Variants in SLCO1A2 observed in about 807,000 individuals in gnomAD.
SLCO1A2 encodes the protein solute carrier organic anion transporter family member 1A2.
In SLCO1A2, 67 loss-of-function variants were observed where a neutral mutation model predicts 69.0. The observed-to-expected ratio is 0.97, with a 90% confidence interval of 0.80 to 1.19. The LOEUF is 1.19. Among genes scored for constraint, SLCO1A2 ranks in the 50% most tolerant of loss-of-function variants. SLCO1A2 has a pLI of 0.00. For synonymous variants in SLCO1A2, 260 were observed against 265.9 expected (o/e 0.98, Z 0.22); for missense variants, 787 against 793.7 (o/e 0.99, Z 0.10).
In SLCO1A2 at chr12:21,373,471, A is replaced by C. The variant is rs1413753287; in HGVS notation, c.-63+928T>G. The C allele has an allele frequency of 2.2e-6, 3 of 1,350,498 alleles. No homozygotes were observed. In the African/African-American group the frequency reaches 4.3e-5, roughly 19 times the overall value. 83.7% of individuals were successfully genotyped at this position (1,350,498 alleles called of 1,614,324 possible). A position where few individuals can be genotyped will look rare whatever the true frequency, so the allele number is the denominator to read the frequency against. On this transcript the variant is annotated intron_variant, in intron 2 of 15. Transcript: ENST00000307378. ...AATCCTGTTTCTTTGTAACTTTTGT[A>C]AAGTGTGAGAAAATTAGAATTAAAT... is the stretch of plus-strand genomic sequence containing the variant.
chr12:21,346,697 T>A (rs1953262492), intron 2 of SLCO1A2, among the ~76,000 whole-genome samples: 1 of 152,206 alleles, frequency 6.6e-6, no homozygotes, highest in African/African-American at 2.4e-5. Flanking sequence ...TCCAACATCA[T>A]CAGATACTAC....
At chr12:21,299,192 GGAATACTACA>G (rs1202617371) in intron 8 of SLCO1A2, among the ~76,000 whole-genome samples, 47 of 151,872 alleles carry the variant, frequency 3.1e-4, no homozygotes, top group Non-Finnish European at 3.7e-4. Context: ...TGACCTTTTG[GGAATACTACA>G]GAACTTTCAG....
In SLCO1A2 at chr12:21,268,686, T is replaced by A. The variant is rs571289818; in HGVS notation, c.*862A>T. On this transcript the variant is annotated 3_prime_UTR_variant, in exon 15 of 15. Coordinates refer to ENST00000683939, the MANE Select transcript of SLCO1A2 (RefSeq NM_001386879.1). ...GGAAAATTAGTGTTTGTGTTCTACC[T>A]TAGGACACAATGGGTGATATAAACA... The A allele has an allele frequency of 1.3e-5, 2 of 152,232 alleles. No individual in the cohort carries two copies. Among genetic ancestry groups the A allele is most frequent in the Admixed American group, 1.3e-4 (2 of 15,270 alleles). 9.4% of individuals were successfully genotyped at this position (152,232 alleles called of 1,614,324 possible).
intron 1 of SLCO1A2, among the ~76,000 whole-genome samples, chr12:21,390,899 A>G (rs1221908941): frequency 6.6e-6 from 1 of 152,152 alleles, no homozygotes; most frequent in Non-Finnish European, 1.5e-5. Context: ...AATTCACTGA[A>G]AAGTTGTCAG....
At chr12:21,365,934 CT>C (rs1265737029) in intron 2 of SLCO1A2, among the ~76,000 whole-genome samples, 1 of 152,150 alleles carries the variant, frequency 6.6e-6, no homozygotes, top group African/African-American at 2.4e-5. Context: ...AATAGGAACA[CT>C]TTTACACTGT....
At chr12:21,271,391 A>G (rs542970747) in intron 14 of SLCO1A2, among the ~76,000 whole-genome samples, 9 of 151,666 alleles carry the variant, frequency 5.9e-5, no homozygotes, top group African/African-American at 2.2e-4. Context: ...TGATATTTAT[A>G]TTGTCTTTTA....
chr12:21,379,012 T>A (rs1320649880), intron 1 of SLCO1A2: 1 of 152,072 alleles, frequency 6.6e-6, no homozygotes. Flanking sequence ...GAGGCGGAGG[T>A]TGCAGTGAGC....
chr12:21,274,832 C>T (rs1943510791), intron 13 of SLCO1A2: 2 of 785,176 alleles, frequency 2.5e-6, no homozygotes, highest in South Asian at 3.6e-5. Context: ...ATTAAAGATT[C>T]TGAACTTTAT....
At chr12:21,314,508 T>A in intron 4 of SLCO1A2, 41 bp downstream of exon 4, 1 of 1,610,778 alleles carries the variant, frequency 6.2e-7, no homozygotes, top group Non-Finnish European at 8.5e-7. Context: ...TTCCTGCAAG[T>A]GAAATTTGAC....
At chr12:21,273,257 T>G (rs1371914682) in intron 14 of SLCO1A2, among the ~76,000 whole-genome samples, 2 of 152,108 alleles carry the variant, frequency 1.3e-5, no homozygotes, top group Non-Finnish European at 2.9e-5. Context: ...AGACATTTTC[T>G]TATCATCATG....
intron 6 of SLCO1A2, among the ~76,000 whole-genome samples, chr12:21,302,352 A>G (rs1027518363): frequency 3.3e-5 from 5 of 151,490 alleles, no homozygotes; most frequent in Admixed American, 6.6e-5. Flanking sequence ...CTCTTTTTAC[A>G]TTTCTTCCTG....
chr12:21,274,770 A>G, intron 13 of SLCO1A2, 184 bp from the exon 14 acceptor site: 1 of 684,132 alleles, frequency 1.5e-6, no homozygotes, highest in Non-Finnish European at 2.3e-6. Flanking sequence ...ATTAAAAGAT[A>G]AGTAATCTTA....
chr12:21,299,279 T>C (rs1314997860), intron 8 of SLCO1A2, among the ~76,000 whole-genome samples: 1 of 152,134 alleles, frequency 6.6e-6, no homozygotes, highest in Non-Finnish European at 1.5e-5. Flanking sequence ...ATCAGTGCTC[T>C]TGAGTACTAA....
intron 1 of SLCO1A2, among the ~76,000 whole-genome samples, chr12:21,387,316 C>G (rs1051982881): frequency 7.2e-5 from 11 of 152,160 alleles, no homozygotes; most frequent in African/African-American, 2.7e-4. Flanking sequence ...GAAAATGTCT[C>G]CAGGACATGT....
At chr12:21,386,732 G>T (rs12307592) in intron 1 of SLCO1A2, among the ~76,000 whole-genome samples, 1 of 151,866 alleles carries the variant, frequency 6.6e-6, no homozygotes, top group Non-Finnish European at 1.5e-5. Context: ...AATTGGTACC[G>T]GGATTAGTGG....
chr12:21,388,106 G>T (rs575497003), intron 1 of SLCO1A2, among the ~76,000 whole-genome samples: 109 of 152,246 alleles, frequency 7.2e-4, no homozygotes, highest in Non-Finnish European at 1.3e-3. Flanking sequence ...TACCCCTATT[G>T]TATCTAGGAA....
exon 1 of SLCO1A2, chr12:21,417,882 C>G (rs1222017562): frequency 2.6e-5 from 4 of 152,110 alleles, no homozygotes; most frequent in Non-Finnish European, 5.9e-5. Flanking sequence ...GAACACTGAC[C>G]TTTGCTTCCA....
intron 1 of SLCO1A2, chr12:21,378,208 A>G: frequency 6.2e-7 from 1 of 1,607,342 alleles, no homozygotes; most frequent in Non-Finnish European, 8.5e-7. Flanking sequence ...CTAAGGCTCT[A>G]ACTTTTCACA....
intron 1 of SLCO1A2, among the ~76,000 whole-genome samples, chr12:21,384,064 A>G (rs1289845504): frequency 1.3e-5 from 2 of 152,238 alleles, no homozygotes; most frequent in African/African-American, 4.8e-5. Context: ...GATTAGAAAT[A>G]AAATATGCAA....
Sources: gnomAD v4.1 joint callset for allele counts (sites outside exome capture counted in the v4.1 genomes callset) on GRCh38, gnomAD v4.1.1 for gene constraint, MANE v1.5 for transcripts, NCBI Gene and HGNC (gene_info 2026-07-23, HGNC 2026-07-21) for gene names.